AGBL1: variants seen among roughly 807,000 people sequenced by gnomAD.
AGBL1 encodes the protein AGBL carboxypeptidase 1.
AGBL1 carries 130 observed loss-of-function variants against 118.9 expected under a neutral mutation model. The observed-to-expected ratio is 1.09, with a 90% confidence interval of 0.95 to 1.26. AGBL1 has a LOEUF of 1.26. Among genes scored for constraint, AGBL1 ranks in the 50% most tolerant of loss-of-function variants. The pLI, the probability that AGBL1 is intolerant of heterozygous loss-of-function variation, is 0.00. For missense variants in AGBL1, 1,584 were observed against 1,298.1 expected (o/e 1.22, Z -3.38); for synonymous variants, 555 against 478.9 (o/e 1.16, Z -2.08).
At chr15:86,538,723 C>T (rs1253350130) in intron 19 of AGBL1, among the ~76,000 whole-genome samples, 1 of 152,278 alleles carries the variant, frequency 6.6e-6, no homozygotes, top group East Asian at 1.9e-4. Context: ...TACTGGGAAG[C>T]AGGAATGAGA....
chr15:86,464,165 A>T (rs931837354), intron 18 of AGBL1, among the ~76,000 whole-genome samples: 2 of 152,116 alleles, frequency 1.3e-5, no homozygotes, highest in South Asian at 4.1e-4. Flanking sequence ...GTCCCTTGTA[A>T]GTTGTATTCC....
At chr15:86,773,107 T>C (rs1042882389) in intron 22 of AGBL1, among the ~76,000 whole-genome samples, 1 of 152,068 alleles carries the variant, frequency 6.6e-6, no homozygotes, top group Non-Finnish European at 1.5e-5. Context: ...TTTTTGTCCA[T>C]GGTTCAGTTC....
At chr15:86,637,889 A>G (rs889499853) in intron 21 of AGBL1, among the ~76,000 whole-genome samples, 2 of 152,210 alleles carry the variant, frequency 1.3e-5, no homozygotes, top group African/African-American at 4.8e-5. Context: ...TTATAGCATC[A>G]AAGAGGGAGA....
chr15:86,649,423 A>G (rs1243254588), intron 21 of AGBL1, among the ~76,000 whole-genome samples: 1 of 152,174 alleles, frequency 6.6e-6, no homozygotes, highest in Non-Finnish European at 1.5e-5. Flanking sequence ...GGCAAAAGAA[A>G]CATACTGTGA....
intron 21 of AGBL1, among the ~76,000 whole-genome samples, chr15:86,634,795 A>G (rs1413001946): frequency 2.0e-5 from 3 of 152,218 alleles, no homozygotes; most frequent in Non-Finnish European, 4.4e-5. Context: ...TGATGAAGCT[A>G]ATATAACTGA....
intron 24 of AGBL1, among the ~76,000 whole-genome samples, chr15:87,021,703 C>G (rs555888507): frequency 6.6e-6 from 1 of 152,256 alleles, no homozygotes; most frequent in African/African-American, 2.4e-5. Flanking sequence ...ACAGACACTT[C>G]TCAAAAGAAG....
intron 22 of AGBL1, among the ~76,000 whole-genome samples, chr15:86,845,698 C>T (rs527469162): frequency 7.2e-5 from 11 of 152,228 alleles, no homozygotes; most frequent in African/African-American, 1.4e-4. Context: ...AAGCCATCTG[C>T]GCCCAGGGTT....
intron 22 of AGBL1, among the ~76,000 whole-genome samples, chr15:86,707,461 G>A (rs2086472633): frequency 6.6e-6 from 1 of 152,072 alleles, no homozygotes; most frequent in Non-Finnish European, 1.5e-5. Context: ...TCTGTAGAGA[G>A]AGAGCATTAA....
rs2080302176 is a variant in AGBL1 at position 86,907,877 on chromosome 15, A to G, written c.*583A>G. ...TTCATCTGTGATCTTCTCAAGCAGC[A>G]TATATTTTACATATGTGGTACAGGC... On this transcript the variant is annotated 3_prime_UTR_variant, in exon 23 of 23. Coordinates refer to ENST00000614907, the MANE Select transcript of AGBL1 (RefSeq NM_001386094.1). 1 of 152,212 alleles carries G rather than the reference A, an allele frequency of 6.6e-6. No homozygotes were observed. Among genetic ancestry groups the G allele is most frequent in the Non-Finnish European group, 1.5e-5 (1 of 68,044 alleles). The allele number at this position is 152,212 out of a possible 1,614,324, so 9.4% of individuals were successfully genotyped here.
intron 21 of AGBL1, among the ~76,000 whole-genome samples, chr15:86,577,967 TG>T (rs1369135882): frequency 2.0e-5 from 3 of 152,182 alleles, no homozygotes; most frequent in Non-Finnish European, 4.4e-5. Flanking sequence ...AGGGAAATGT[TG>T]GGTTGGAACC....
At chr15:86,458,702 A>C (rs182298563) in intron 18 of AGBL1, among the ~76,000 whole-genome samples, 1 of 152,210 alleles carries the variant, frequency 6.6e-6, no homozygotes, top group African/African-American at 2.4e-5. Context: ...ACATTAAGGC[A>C]GAGAAGGTTA....
At chr15:86,174,402 A>T (rs2077454723) in intron 5 of AGBL1, among the ~76,000 whole-genome samples, 1 of 152,058 alleles carries the variant, frequency 6.6e-6, no homozygotes. Context: ...AAGAGAGACA[A>T]TTTGACTTTC....
intron 23 of AGBL1, among the ~76,000 whole-genome samples, chr15:86,961,441 G>A (rs182700658): frequency 4.6e-5 from 7 of 152,064 alleles, no homozygotes; most frequent in African/African-American, 1.4e-4. Context: ...GACTTCAGTG[G>A]GGAGGGCACC....
intron 17 of AGBL1, among the ~76,000 whole-genome samples, chr15:86,378,720 C>T (rs1036786113): frequency 3.3e-5 from 5 of 151,934 alleles, no homozygotes; most frequent in Admixed American, 1.3e-4. Context: ...CACAGCTGAA[C>T]AAATTGAGGC....
chr15:86,553,889 C>G (rs1188958736), intron 20 of AGBL1, among the ~76,000 whole-genome samples: 2 of 150,770 alleles, frequency 1.3e-5, no homozygotes, highest in Non-Finnish European at 2.9e-5. Context: ...GATATGCTGT[C>G]TCACTCTGTC....
intron 17 of AGBL1, among the ~76,000 whole-genome samples, chr15:86,394,768 G>A (rs1360036945): frequency 6.6e-6 from 1 of 152,120 alleles, no homozygotes; most frequent in Non-Finnish European, 1.5e-5. Context: ...CGAAGGACAA[G>A]ACACAAAAAC....
chr15:86,323,221 G>A (rs1567198617), intron 17 of AGBL1, among the ~76,000 whole-genome samples: 1 of 151,570 alleles, frequency 6.6e-6, no homozygotes. Context: ...GTTGAATGAG[G>A]GCACCTCATC....
At chr15:86,410,878 T>TTA (rs1491179573) in intron 18 of AGBL1, among the ~76,000 whole-genome samples, 84 of 79,532 alleles carry the variant, frequency 1.1e-3, no homozygotes, top group African/African-American at 3.6e-3. Context: ...ATAATATATA[T>TTA]TATAATATAT....
intron 5 of AGBL1, among the ~76,000 whole-genome samples, chr15:86,191,116 G>A (rs1242215399): frequency 1.3e-5 from 2 of 151,952 alleles, no homozygotes; most frequent in African/African-American, 2.4e-5. Flanking sequence ...GACTGAGGCG[G>A]GGGGATCACC....
Sources: gnomAD v4.1 joint callset for allele counts (sites outside exome capture counted in the v4.1 genomes callset) on GRCh38, gnomAD v4.1.1 for gene constraint, MANE v1.5 for transcripts, NCBI Gene and HGNC (gene_info 2026-07-23, HGNC 2026-07-21) for gene names.